The following SEL1L3 variants were observed in gnomAD, a reference collection of about 807,000 sequenced individuals.
The protein encoded by SEL1L3 is protein sel-1 homolog 3.
In SEL1L3, 76 loss-of-function variants were observed where a neutral mutation model predicts 142.8. That is an observed-to-expected ratio of 0.53 (90% CI 0.44 to 0.64). The LOEUF is 0.64. Ranked by LOEUF, SEL1L3 falls within the 30% of genes least tolerant of loss-of-function variation. The probability of loss-of-function intolerance (pLI) is 0.00; values close to 1 mark genes in which losing one functional copy is unlikely to be tolerated. For missense variants in SEL1L3, 1,262 were observed against 1,381.7 expected, an observed-to-expected ratio of 0.91 and a Z score of 1.37; for synonymous variants, 504 against 519.6, an observed-to-expected ratio of 0.97 and a Z score of 0.41.
chr4:25,785,045 G>T (rs540927132), intron 13 of SEL1L3, among the ~76,000 whole-genome samples: 1 of 152,246 alleles, frequency 6.6e-6, no homozygotes, highest in South Asian at 2.1e-4. Context: ...GCCAGGCAAG[G>T]GGGTGGAGGT....
At chr4:25,805,383 G>A (rs191178766) in intron 9 of SEL1L3, among the ~76,000 whole-genome samples, 1 of 152,248 alleles carries the variant, frequency 6.6e-6, no homozygotes, top group Non-Finnish European at 1.5e-5. Context: ...AGAGACTGAG[G>A]CCTGGAGAAG....
the SEL1L3 span, among the ~76,000 whole-genome samples, chr4:25,727,993 C>T: frequency 1.3e-5 from 2 of 152,088 alleles, no homozygotes; most frequent in South Asian, 2.1e-4. Flanking sequence ...TGAACTAGGC[C>T]GGTTCTCAGA....
intron 15 of SEL1L3, among the ~76,000 whole-genome samples, chr4:25,781,733 A>C (rs1027396899): frequency 2.6e-5 from 4 of 152,138 alleles, no homozygotes; most frequent in African/African-American, 7.2e-5. Context: ...ATTTCAGAGG[A>C]GAATTAGGAT....
At chr4:25,810,263 C>T (rs1284140967) in intron 9 of SEL1L3, among the ~76,000 whole-genome samples, 1 of 152,108 alleles carries the variant, frequency 6.6e-6, no homozygotes, top group Non-Finnish European at 1.5e-5. Context: ...GCCATGCTGC[C>T]CAGCTCCCCC....
In SEL1L3 at chr4:25,765,289, C is replaced by G. The variant is rs375183755; in HGVS notation, c.2955+37G>C. 80 of 1,424,532 alleles carry G rather than the reference C, an allele frequency of 5.6e-5. No individual in the cohort carries two copies. In the African/African-American group the frequency reaches 8.3e-4, roughly 15 times the overall value. 88.2% of individuals were successfully genotyped at this position (1,424,532 alleles called of 1,614,324 possible). A position where few individuals can be genotyped will look rare whatever the true frequency, so the allele number is the denominator to read the frequency against. On this transcript the variant is annotated intron_variant, in intron 20 of 23. Transcript: ENST00000399878. Reference sequence around the variant, plus strand: ...GATTACAGGCATGAGCCACCGTGCCCGGCCAAGAGCTGGTTTTTGTTGCGG... The same window carrying G: ...GATTACAGGCATGAGCCACCGTGCCGGGCCAAGAGCTGGTTTTTGTTGCGG...
intron 17 of SEL1L3, among the ~76,000 whole-genome samples, chr4:25,775,071 G>A (rs957851109): frequency 9.2e-5 from 14 of 152,282 alleles, no homozygotes; most frequent in African/African-American, 3.1e-4. Flanking sequence ...TTGGGAAAGC[G>A]AGAAGCAGAG....
chr4:25,756,314 A>G, intron 23 of SEL1L3: 1 of 985,320 alleles, frequency 1.0e-6, no homozygotes, highest in Non-Finnish European at 1.2e-6. Context: ...CCTACTATGC[A>G]TGAGTTATCA....
chr4:25,739,488 C>T, the SEL1L3 span, among the ~76,000 whole-genome samples: 2 of 152,118 alleles, frequency 1.3e-5, no homozygotes, highest in East Asian at 3.9e-4. Flanking sequence ...GGGTAGATCA[C>T]GAGGTCAAGA....
chr4:25,863,350 TTTTCAC>T, upstream of SEL1L3: 1 of 538,500 alleles, frequency 1.9e-6, no homozygotes, highest in South Asian at 1.8e-5. Context: ...CCCCCTCTCT[TTTTCAC>T]TTTCTCCTTT....
At chr4:25,861,497 G>A (rs535758630) in intron 1 of SEL1L3, among the ~76,000 whole-genome samples, 1 of 152,344 alleles carries the variant, frequency 6.6e-6, no homozygotes, top group African/African-American at 2.4e-5. Context: ...AACGGGCTGA[G>A]TGGCAAATTT....
At chr4:25,827,470 C>T (rs1715169471) in intron 6 of SEL1L3, among the ~76,000 whole-genome samples, 4 of 152,232 alleles carry the variant, frequency 2.6e-5, no homozygotes. Context: ...GGGAGCAAAT[C>T]TGTCCCTTGT....
chr4:25,857,032 A>AGAAAGGTC (rs1440205729), intron 1 of SEL1L3, among the ~76,000 whole-genome samples: 13 of 152,206 alleles, frequency 8.5e-5, no homozygotes, highest in Non-Finnish European at 1.6e-4. Flanking sequence ...TTTCTGCCCC[A>AGAAAGGTC]TTCTTCTAAG....
chr4:25,737,274 C>T, the SEL1L3 span, among the ~76,000 whole-genome samples: 6 of 152,196 alleles, frequency 3.9e-5, no homozygotes, highest in African/African-American at 1.2e-4. Context: ...TGAGTCACCA[C>T]GCCCAGCCTC....
chr4:25,778,446 A>G (rs917471638), intron 16 of SEL1L3, among the ~76,000 whole-genome samples: 2 of 152,240 alleles, frequency 1.3e-5, no homozygotes, highest in African/African-American at 4.8e-5. Context: ...TAGCAAATAA[A>G]CAATAAAAAA....
chr4:25,768,183 C>T (rs962820744), intron 17 of SEL1L3, among the ~76,000 whole-genome samples: 3 of 152,170 alleles, frequency 2.0e-5, no homozygotes, highest in African/African-American at 7.2e-5. Context: ...AGAAAAACCC[C>T]TGTGCTTTGG....
At chr4:25,848,812 T>C (rs1716707850) in intron 1 of SEL1L3, among the ~76,000 whole-genome samples, 1 of 152,210 alleles carries the variant, frequency 6.6e-6, no homozygotes, top group Non-Finnish European at 1.5e-5. Context: ...GAAAATAGTA[T>C]AGCAGTTCCT....
In SEL1L3 at chr4:25,755,943, G is replaced by C. The variant is rs766915043; in HGVS notation, c.3259+1591C>G. ...CAAATTTAAGGATGGGACAGAATTT[G>C]CATGAGTGAAGTTTATTAACCAGCA... On this transcript the variant is annotated intron_variant, in intron 23 of 23. Transcript: ENST00000399878. 3.0e-6 allele frequency: 3 copies of C among 985,250 alleles called. No homozygotes were observed. In the African/African-American group the frequency reaches 5.2e-5, roughly 17 times the overall value. 61.0% of individuals were successfully genotyped at this position (985,250 alleles called of 1,614,324 possible).
At chr4:25,734,432 G>T in the SEL1L3 span, among the ~76,000 whole-genome samples, 1 of 152,092 alleles carries the variant, frequency 6.6e-6, no homozygotes, top group Non-Finnish European at 1.5e-5. Flanking sequence ...TCCTTGTTTA[G>T]TCTGTTAATA....
At position 25,810,733 on chromosome 4, in the gene SEL1L3, G is replaced by A. The variant is rs147435591; in HGVS notation, c.1565-5981C>T. 2.9e-3 allele frequency among the ~76,000 whole-genome samples: 441 copies of A among 152,228 alleles called. 3 individuals carry two copies. The highest frequency in any genetic ancestry group is 9.7e-3 in the African/African-American group (403 of 41,544). ...TTGGATGCCACCCCAGAGTCTAGAC[G>A]GTGGTGAACTACGGGCCACAGCAGC... On this transcript the variant is annotated intron_variant, in intron 9 of 23. Coordinates refer to ENST00000399878, the MANE Select transcript of SEL1L3 (RefSeq NM_015187.5).
Sources: gnomAD v4.1 joint callset for allele counts (sites outside exome capture counted in the v4.1 genomes callset) on GRCh38, gnomAD v4.1.1 for gene constraint, MANE v1.5 for transcripts, NCBI Gene and HGNC (gene_info 2026-07-23, HGNC 2026-07-21) for gene names.